Variants in STAU2 observed in about 807,000 individuals in gnomAD.
STAU2 encodes the protein double-stranded RNA-binding protein Staufen homolog 2.
Under a neutral mutation model 65.9 loss-of-function variants are expected in STAU2, and 20 were observed. The ratio of observed to expected loss-of-function variants is 0.30; its 90% CI spans 0.21 to 0.44. STAU2 has a LOEUF of 0.44. Ranked by LOEUF, STAU2 falls within the 20% of genes least tolerant of loss-of-function variation. The pLI, the probability that STAU2 is intolerant of heterozygous loss-of-function variation, is 1.00. For synonymous variants in STAU2, 232 were observed against 233.9 expected (o/e 0.99, Z 0.07); for missense variants, 558 against 683.9 (o/e 0.82, Z 2.05).
chr8:73,590,135 GAGA>G (rs1384707788), intron 11 of STAU2, among the ~76,000 whole-genome samples: 3 of 131,852 alleles, frequency 2.3e-5, no homozygotes, highest in East Asian at 2.2e-4. Context: ...GAGAAGAAAT[GAGA>G]AGAAGGAAGG....
intron 13 of STAU2, among the ~76,000 whole-genome samples, chr8:73,425,721 G>T (rs891965654): frequency 3.9e-5 from 6 of 152,008 alleles, no homozygotes; most frequent in Non-Finnish European, 7.4e-5. Flanking sequence ...CAAGCAAAAA[G>T]AATGTAAAAA....
chr8:73,546,221 C>A (rs1806926537), intron 13 of STAU2, among the ~76,000 whole-genome samples: 1 of 144,418 alleles, frequency 6.9e-6, no homozygotes, highest in South Asian at 2.2e-4. Flanking sequence ...GCTGCCTTGG[C>A]CTCCCAAAGT....
intron 13 of STAU2, among the ~76,000 whole-genome samples, chr8:73,454,383 T>A (rs1246897422): frequency 6.6e-6 from 1 of 152,244 alleles, no homozygotes; most frequent in African/African-American, 2.4e-5. Flanking sequence ...TGTAACCTAA[T>A]TTTTACAATG....
rs184482869 is a variant in STAU2 at position 73,510,449 on chromosome 8, T to C, written c.1530+41563A>G. Among the ~76,000 whole-genome samples, 3 of 152,316 alleles carry C rather than the reference T, an allele frequency of 2.0e-5. No homozygotes were observed. In the East Asian group the frequency reaches 5.8e-4, roughly 29 times the overall value. ...ATTTGTACAAATAGTACAATTCAGA[T>C]GTAACACACTAACTATAAACTATGT... On this transcript the variant is annotated intron_variant, in intron 13 of 14. Coordinates refer to ENST00000524300, the MANE Select transcript of STAU2 (RefSeq NM_001164380.2).
chr8:73,692,358 G>A lies in STAU2; in HGVS notation c.115-3545C>T, dbSNP rs193078107. Among the ~76,000 whole-genome samples the A allele has an allele frequency of 2.9e-3, 436 of 151,984 alleles. 2 individuals carry two copies. The highest frequency in any genetic ancestry group is 0.02 in the Middle Eastern group (6 of 294). On this transcript the variant is annotated intron_variant, in intron 4 of 14. Transcript: ENST00000524300. ...CATCACAGGCACAAGCCACCATGCCGGGCTAATTTTTGTATTTTTAGTAGA... is the reference window on the plus strand; with the variant it reads ...CATCACAGGCACAAGCCACCATGCCAGGCTAATTTTTGTATTTTTAGTAGA...
rs543604923 is a variant in STAU2 at position 73,621,175 on chromosome 8, G to A, written c.411-3724C>T. On this transcript the variant is annotated intron_variant, in intron 6 of 14. Transcript: ENST00000524300. ...ATCCAAATTGTAATCTCCATGTGTCGTGGGAGGGACCTGGTTGGAGGTTAA... is the reference window on the plus strand; with the variant it reads ...ATCCAAATTGTAATCTCCATGTGTCATGGGAGGGACCTGGTTGGAGGTTAA... 3.3e-5 allele frequency among the ~76,000 whole-genome samples: 5 copies of A among 152,228 alleles called. No homozygotes were observed. The South Asian group carries it at 6.2e-4, about 19-fold the overall frequency.
intron 5 of STAU2, among the ~76,000 whole-genome samples, chr8:73,687,450 A>C (rs1819004027): frequency 1.5e-5 from 2 of 137,374 alleles, no homozygotes; most frequent in East Asian, 4.0e-4. Context: ...ATATATAAAT[A>C]TATAATATAT....
intron 13 of STAU2, among the ~76,000 whole-genome samples, chr8:73,501,598 T>A (rs768379485): frequency 6.6e-6 from 1 of 151,824 alleles, no homozygotes; most frequent in African/African-American, 2.4e-5. Context: ...TAGGTCAGAG[T>A]TTCCTGAGCA....
At chr8:73,668,904 G>A (rs1817445823) in intron 6 of STAU2, 1 of 618,248 alleles carries the variant, frequency 1.6e-6, no homozygotes, top group African/African-American at 1.8e-5. Flanking sequence ...AAACAGCATA[G>A]GTAATACCTA....
intron 13 of STAU2, among the ~76,000 whole-genome samples, chr8:73,498,054 C>A (rs1306247511): frequency 6.6e-6 from 1 of 151,688 alleles, no homozygotes; most frequent in African/African-American, 2.4e-5. Context: ...TGTAAATTTG[C>A]CAGTAAGATA....
At chr8:73,521,543 T>C (rs1270478094) in intron 13 of STAU2, among the ~76,000 whole-genome samples, 2 of 152,256 alleles carry the variant, frequency 1.3e-5, no homozygotes, top group Non-Finnish European at 2.9e-5. Context: ...AAAATACAAA[T>C]GGTTCCCAAC....
intron 1 of STAU2, among the ~76,000 whole-genome samples, chr8:73,740,129 T>G (rs1387893427): frequency 6.6e-6 from 1 of 152,182 alleles, no homozygotes; most frequent in African/African-American, 2.4e-5. Flanking sequence ...AAACAGATCT[T>G]CCACCAGTAG....
At chr8:73,746,657 G>A in intron 1 of STAU2, 126 bp downstream of exon 1, 1 of 510,058 alleles carries the variant, frequency 2.0e-6, no homozygotes, top group Non-Finnish European at 2.9e-6. Context: ...GGGAGGCCGC[G>A]AAGGGGGCTG....
chr8:73,746,372 C>G (rs1222220624), intron 1 of STAU2, among the ~76,000 whole-genome samples: 6 of 151,918 alleles, frequency 3.9e-5, no homozygotes, highest in African/African-American at 1.5e-4. Context: ...TCGCCGTCCT[C>G]TCTTCCGGCC....
chr8:73,708,943 A>G, intron 4 of STAU2, 89 bp downstream of exon 4: 1 of 1,304,712 alleles, frequency 7.7e-7, no homozygotes, highest in Non-Finnish European at 9.9e-7. Flanking sequence ...CTGAACCCCC[A>G]CTCCCCAAAA....
chr8:73,746,742 G>C lies in STAU2; in HGVS notation c.-197+41C>G, dbSNP rs751966903. On this transcript the variant is annotated intron_variant, in intron 1 of 14. Transcript: ENST00000524300. ...CTCTGCCTTCTTCGCCGGCGGCGCG[G>C]AAGTCGGGGTCTCCCGGACGCCCCC... 17 of 1,167,204 alleles carry C rather than the reference G, an allele frequency of 1.5e-5. No homozygotes were observed. In the African/African-American group the frequency reaches 1.7e-4, roughly 12 times the overall value. The allele number at this position is 1,167,204 out of a possible 1,614,324, so 72.3% of individuals were successfully genotyped here.
intron 13 of STAU2, among the ~76,000 whole-genome samples, chr8:73,453,969 T>C (rs1407436989): frequency 6.6e-6 from 1 of 152,212 alleles, no homozygotes; most frequent in Non-Finnish European, 1.5e-5. Context: ...CTTGGATGCA[T>C]GTCTGTGTAG....
At chr8:73,569,206 C>G (rs768229350) in intron 12 of STAU2, among the ~76,000 whole-genome samples, 4 of 152,052 alleles carry the variant, frequency 2.6e-5, no homozygotes, top group Non-Finnish European at 5.9e-5. Context: ...GAGCCTCGCT[C>G]ACTGCTAGCA....
At chr8:73,560,436 A>G (rs1057408366) in intron 12 of STAU2, among the ~76,000 whole-genome samples, 3 of 152,164 alleles carry the variant, frequency 2.0e-5, no homozygotes, top group African/African-American at 4.8e-5. Context: ...GTGAAAATCA[A>G]CCTTGCTCTT....
Sources: allele counts gnomAD v4.1 joint callset (sites outside exome capture counted in the v4.1 genomes callset), GRCh38; gene constraint gnomAD v4.1.1; transcripts MANE v1.5; gene names NCBI Gene and HGNC (gene_info 2026-07-23, HGNC 2026-07-21).